The following SUGCT variants were observed in gnomAD, a reference collection of about 807,000 sequenced individuals.
SUGCT encodes succinyl-CoA:glutarate CoA-transferase.
SUGCT carries 41 observed loss-of-function variants against 55.0 expected under a neutral mutation model. The ratio of observed to expected loss-of-function variants is 0.74; its 90% CI spans 0.58 to 0.97. The LOEUF (loss-of-function observed/expected upper bound fraction) is 0.97. SUGCT is among the 50% of genes least tolerant of loss of function. SUGCT has a pLI of 0.00. For synonymous variants in SUGCT, 187 were observed against 200.4 expected (o/e 0.93, Z 0.56); for missense variants, 568 against 547.8 (o/e 1.04, Z -0.37).
the SUGCT span, among the ~76,000 whole-genome samples, chr7:40,933,150 G>A: frequency 7.0e-4 from 106 of 152,168 alleles, no homozygotes; most frequent in African/African-American, 2.3e-3. Flanking sequence ...ATCTCTCAGC[G>A]TTTGCTTGTC....
At chr7:40,241,249 A>T (rs980104176) in intron 7 of SUGCT, among the ~76,000 whole-genome samples, 17 of 152,206 alleles carry the variant, frequency 1.1e-4, no homozygotes, top group Non-Finnish European at 1.5e-5. Context: ...GTGTTATAAT[A>T]ATGTCATTTT....
At chr7:40,577,441 G>A (rs1207239725) in intron 12 of SUGCT, among the ~76,000 whole-genome samples, 2 of 151,924 alleles carry the variant, frequency 1.3e-5, no homozygotes, top group African/African-American at 4.8e-5. Context: ...CATGTTGGGG[G>A]CAGTTGAGTA....
intron 9 of SUGCT, among the ~76,000 whole-genome samples, chr7:40,407,904 C>A (rs1786466358): frequency 6.6e-6 from 1 of 152,124 alleles, no homozygotes; most frequent in Non-Finnish European, 1.5e-5. Context: ...CTACCTTACC[C>A]CTGAGTTCAG....
chr7:40,815,253 C>T (rs1211001059), intron 13 of SUGCT, among the ~76,000 whole-genome samples: 1 of 152,244 alleles, frequency 6.6e-6, no homozygotes, highest in Non-Finnish European at 1.5e-5. Context: ...GCATGAGCAC[C>T]AGTGCTGAGG....
chr7:40,945,787 A>G, the SUGCT span, among the ~76,000 whole-genome samples: 1,845 of 152,216 alleles, frequency 0.012, 42 homozygotes, highest in African/African-American at 0.042. Flanking sequence ...GGGCCAAACT[A>G]CTGTGAATGC....
intron 1 of SUGCT, among the ~76,000 whole-genome samples, chr7:40,143,214 C>T (rs1446314745): frequency 6.6e-6 from 1 of 152,138 alleles, no homozygotes; most frequent in Non-Finnish European, 1.5e-5. Context: ...CTCCATAATC[C>T]CACCATACAT....
At chr7:40,828,595 C>G (rs1184010330) in intron 13 of SUGCT, among the ~76,000 whole-genome samples, 2 of 129,978 alleles carry the variant, frequency 1.5e-5, no homozygotes, top group African/African-American at 5.7e-5. Context: ...AAAAAAAAAA[C>G]TCAAGAACAC....
the SUGCT span, among the ~76,000 whole-genome samples, chr7:40,931,988 C>G: frequency 0.14 from 21,126 of 152,040 alleles, 1,595 homozygotes; most frequent in African/African-American, 0.19. Flanking sequence ...TTTGCTCTTG[C>G]TTCTCTAGTT....
intron 12 of SUGCT, among the ~76,000 whole-genome samples, chr7:40,537,348 T>TA (rs1794419502): frequency 6.6e-6 from 1 of 152,192 alleles, no homozygotes; most frequent in African/African-American, 2.4e-5. Flanking sequence ...ATTATAGTTT[T>TA]AAAAAATGCT....
chr7:40,942,265 A>G, the SUGCT span, among the ~76,000 whole-genome samples: 1 of 152,120 alleles, frequency 6.6e-6, no homozygotes, highest in African/African-American at 2.4e-5. Context: ...GGTAATGACA[A>G]ATTCCCCCAG....
the SUGCT span, among the ~76,000 whole-genome samples, chr7:40,991,309 A>G: frequency 6.6e-6 from 1 of 152,216 alleles, no homozygotes; most frequent in Non-Finnish European, 1.5e-5. Flanking sequence ...CAGATTTGCC[A>G]TCTTCACTGT....
chr7:40,569,882 C>G (rs1320068328), intron 12 of SUGCT, among the ~76,000 whole-genome samples: 2 of 152,028 alleles, frequency 1.3e-5, no homozygotes, highest in African/African-American at 2.4e-5. Flanking sequence ...ATTTTTTTAA[C>G]TTAACTGATT....
chr7:40,404,417 A>G (rs954021231), intron 9 of SUGCT, among the ~76,000 whole-genome samples: 4 of 150,422 alleles, frequency 2.7e-5, no homozygotes, highest in Admixed American at 1.3e-4. Context: ...AGGAAGACAT[A>G]CTTTCAGAGA....
the SUGCT span, among the ~76,000 whole-genome samples, chr7:40,890,303 T>TATTAATATA: frequency 2.3e-5 from 3 of 130,028 alleles, no homozygotes; most frequent in Admixed American, 7.9e-5. Flanking sequence ...ATAATATAAA[T>TATTAATATA]TAAATATTTA....
intron 13 of SUGCT, among the ~76,000 whole-genome samples, chr7:40,850,692 A>G (rs369559137): frequency 6.6e-6 from 1 of 152,192 alleles, no homozygotes; most frequent in Non-Finnish European, 1.5e-5. Context: ...CTTTTTATGT[A>G]ACACGTGGTT....
At chr7:40,491,111 T>C (rs1428147093) in intron 11 of SUGCT, among the ~76,000 whole-genome samples, 2 of 152,240 alleles carry the variant, frequency 1.3e-5, no homozygotes, top group African/African-American at 4.8e-5. Flanking sequence ...GTGCCAGTTA[T>C]CTTCTAATTA....
intron 12 of SUGCT, among the ~76,000 whole-genome samples, chr7:40,685,845 C>G (rs1366451785): frequency 6.6e-6 from 1 of 152,138 alleles, no homozygotes; most frequent in East Asian, 1.9e-4. Context: ...TGAGACCAGC[C>G]TGGCCAACAT....
chr7:40,258,804 C>G (rs1390923620), intron 7 of SUGCT, among the ~76,000 whole-genome samples: 1 of 152,148 alleles, frequency 6.6e-6, no homozygotes, highest in African/African-American at 2.4e-5. Flanking sequence ...AGTAGAACAA[C>G]TATATGATCC....
At chr7:41,005,788 A>G in the SUGCT span, among the ~76,000 whole-genome samples, 2 of 152,174 alleles carry the variant, frequency 1.3e-5, no homozygotes, top group South Asian at 4.1e-4. Context: ...AGATGCTTCT[A>G]TGCTGATTTC....
Sources: allele counts gnomAD v4.1 joint callset (sites outside exome capture counted in the v4.1 genomes callset), GRCh38; gene constraint gnomAD v4.1.1; transcripts MANE v1.5; gene names NCBI Gene and HGNC (gene_info 2026-07-23, HGNC 2026-07-21).